PARN: variants seen among roughly 807,000 people sequenced by gnomAD.
The protein encoded by PARN is poly(A)-specific ribonuclease.
A neutral mutation model predicts 102.8 loss-of-function variants in PARN; 71 were observed. The observed-to-expected ratio is 0.69, with a 90% CI of 0.57 to 0.84. The LOEUF is 0.84. Among genes scored for constraint, PARN ranks in the 40% least tolerant of loss-of-function variants. PARN has a pLI of 0.00. For missense variants in PARN, 782 were observed against 760.9 expected (o/e 1.03, Z -0.33); for synonymous variants, 261 against 252.9 (o/e 1.03, Z -0.30).
intron 21 of PARN, among the ~76,000 whole-genome samples, chr16:14,493,133 T>C (rs1481756196): frequency 2.6e-5 from 4 of 152,230 alleles, no homozygotes; most frequent in Non-Finnish European, 4.4e-5. Flanking sequence ...TTCAAAATTT[T>C]CCGAGACCAA....
chr16:14,595,291 G>A (rs757259283), intron 12 of PARN, among the ~76,000 whole-genome samples: 1 of 152,140 alleles, frequency 6.6e-6, no homozygotes, highest in Non-Finnish European at 1.5e-5. Context: ...AATAAGTCAC[G>A]TGGTATTGTA....
chr16:14,523,677 T>G (rs1020133939), intron 21 of PARN, among the ~76,000 whole-genome samples: 2 of 152,220 alleles, frequency 1.3e-5, no homozygotes, highest in African/African-American at 2.4e-5. Context: ...TTACATTTAA[T>G]GTCAAAGACA....
rs147046453 is a variant in PARN at position 14,592,228 on chromosome 16, G to A, written c.918+1073C>T. Among the ~76,000 whole-genome samples, 432 of 152,244 alleles carry A rather than the reference G, an allele frequency of 2.8e-3. 5 individuals carry two copies. Among genetic ancestry groups the A allele is most frequent in the African/African-American group, 0.01 (419 of 41,560 alleles). On this transcript the variant is annotated intron_variant, in intron 13 of 23. Transcript: ENST00000437198. ...TTGGAGACAGTAAGAAAGAAAAGAA[G>A]TACAAGTTAAATATCTCATTTGAGC...
At chr16:14,621,787 G>C (rs1972317088) in intron 5 of PARN, among the ~76,000 whole-genome samples, 1 of 151,262 alleles carries the variant, frequency 6.6e-6, no homozygotes, top group Admixed American at 6.6e-5. Context: ...CTCCAGCCTG[G>C]GCGACAGGGG....
rs1963663380 is a variant in PARN, at chr16:14,485,976, C to T, written c.1481-3149G>A. The stretch of plus-strand genomic sequence containing the variant: ...GTGCTGGGATTATGGGCGTGAGCCA[C>T]CGTGCCTGGCCTGGCTATTGCGTTC... On this transcript the variant is annotated intron_variant, in intron 21 of 23. Transcript: ENST00000437198. Among the ~76,000 whole-genome samples the T allele has an allele frequency of 2.0e-5, 3 of 152,230 alleles. 1 individual carries two copies. The South Asian group carries it at 6.2e-4, about 31-fold the overall frequency.
At chr16:14,607,283 A>G (rs1260643427) in intron 9 of PARN, among the ~76,000 whole-genome samples, 2 of 152,022 alleles carry the variant, frequency 1.3e-5, no homozygotes, top group East Asian at 3.9e-4. Context: ...ATCTTGGCTC[A>G]CTGCACCTCT....
intron 21 of PARN, among the ~76,000 whole-genome samples, chr16:14,522,523 G>A (rs1441272808): frequency 2.0e-5 from 3 of 152,140 alleles, no homozygotes; most frequent in Admixed American, 2.0e-4. Flanking sequence ...TAAGAGGGAA[G>A]CAGGAAGGGG....
intron 21 of PARN, among the ~76,000 whole-genome samples, chr16:14,534,500 T>C (rs936524572): frequency 3.9e-5 from 6 of 152,204 alleles, no homozygotes; most frequent in Non-Finnish European, 7.3e-5. Context: ...GGGGCATTAA[T>C]AGACAATTAT....
chr16:14,516,502 A>T (rs1241540746), intron 21 of PARN, among the ~76,000 whole-genome samples: 2 of 152,248 alleles, frequency 1.3e-5, no homozygotes, highest in East Asian at 3.8e-4. Context: ...GAGTAAGTCA[A>T]GAAAAAAAAG....
intron 22 of PARN, among the ~76,000 whole-genome samples, chr16:14,451,873 A>AAAAAAAAAAAAAAAAAAAAAAAAAAAAAT (rs1388171351): frequency 9.7e-6 from 1 of 103,244 alleles, no homozygotes; most frequent in Non-Finnish European, 2.1e-5. Context: ...AAAATACAAA[A>AAAAAAAAAAAAAAAAAAAAAAAAAAAAAT]AAAAAAAAAA....
chr16:14,520,504 G>A lies in PARN; in HGVS notation c.1480+31517C>T, dbSNP rs1965681747. Among the ~76,000 whole-genome samples, 3 of 152,100 alleles carry A rather than the reference G, an allele frequency of 2.0e-5. No homozygotes were observed. In the South Asian group the frequency reaches 6.2e-4, roughly 32 times the overall value. ...GCACTTTGGGAGGCCAAGGTGGACT[G>A]TTTGAGCTTAGGAGTAACATATCGA... On this transcript the variant is annotated intron_variant, in intron 21 of 23. Transcript: ENST00000437198.
intron 21 of PARN, among the ~76,000 whole-genome samples, chr16:14,509,076 C>T (rs1965054291): frequency 1.3e-5 from 2 of 152,226 alleles, no homozygotes; most frequent in South Asian, 4.2e-4. Context: ...ACGTCACCCA[C>T]TGAGACTGAC....
chr16:14,599,262 C>T (rs1342912449), intron 12 of PARN, among the ~76,000 whole-genome samples: 7 of 151,978 alleles, frequency 4.6e-5, no homozygotes, highest in Non-Finnish European at 1.0e-4. Flanking sequence ...AGGCTGGTCT[C>T]GAACTCCTGA....
intron 18 of PARN, among the ~76,000 whole-genome samples, chr16:14,570,419 G>C (rs1344164143): frequency 3.3e-5 from 5 of 150,084 alleles, no homozygotes; most frequent in African/African-American, 4.9e-5. Flanking sequence ...TTGGGAGACC[G>C]AGGCGGCGGA....
chr16:14,586,832 C>T (rs1326597974), intron 13 of PARN, among the ~76,000 whole-genome samples: 1 of 152,280 alleles, frequency 6.6e-6, no homozygotes, highest in African/African-American at 2.4e-5. Context: ...TTCCTGAGAT[C>T]ACCTTTGAAA....
At chr16:14,554,217 T>C in intron 19 of PARN, 66 bp from the exon 20 acceptor site, 2 of 1,062,506 alleles carry the variant, frequency 1.9e-6, no homozygotes, top group South Asian at 2.8e-5. Flanking sequence ...AGTGACTCTT[T>C]GATGAAACTA....
chr16:14,538,816 C>T (rs1966726604), intron 21 of PARN, among the ~76,000 whole-genome samples: 1 of 152,094 alleles, frequency 6.6e-6, no homozygotes, highest in South Asian at 2.1e-4. Flanking sequence ...CAGCCACTCC[C>T]CATCGCTCGC....
intron 22 of PARN, among the ~76,000 whole-genome samples, chr16:14,453,845 T>TA (rs1451256116): frequency 6.6e-6 from 1 of 152,194 alleles, no homozygotes; most frequent in African/African-American, 2.4e-5. Context: ...TTCCAACTAT[T>TA]TGTCATTACA....
intron 10 of PARN, among the ~76,000 whole-genome samples, chr16:14,606,127 A>G (rs1971164283): frequency 6.6e-6 from 1 of 152,220 alleles, no homozygotes; most frequent in Non-Finnish European, 1.5e-5. Flanking sequence ...AGGATTGAGC[A>G]TGGTAGCTCA....
Sources: allele counts gnomAD v4.1 joint callset (sites outside exome capture counted in the v4.1 genomes callset), GRCh38; gene constraint gnomAD v4.1.1; transcripts MANE v1.5; gene names NCBI Gene and HGNC (gene_info 2026-07-23, HGNC 2026-07-21).